The following DDB2 variants were observed in gnomAD, a reference collection of about 807,000 sequenced individuals.
DDB2 encodes the protein damage specific DNA binding protein 2, also known as DNA damage-binding protein 2.
A neutral mutation model predicts 50.5 loss-of-function variants in DDB2; 27 were observed. The observed-to-expected ratio is 0.53, with a 90% CI of 0.39 to 0.74. The LOEUF is 0.74. Among genes scored for constraint, DDB2 ranks in the 30% least tolerant of loss-of-function variants. The probability of loss-of-function intolerance (pLI) is 0.00; values close to 1 mark genes in which losing one functional copy is unlikely to be tolerated. For synonymous variants in DDB2, 176 were observed against 205.5 expected (o/e 0.86, Z 1.23); for missense variants, 424 against 545.6 (o/e 0.78, Z 2.22).
At chr11:47,222,662 A>G (rs1221312667) in intron 3 of DDB2, among the ~76,000 whole-genome samples, 1 of 152,172 alleles carries the variant, frequency 6.6e-6, no homozygotes, top group Non-Finnish European at 1.5e-5. Flanking sequence ...TACTGATATG[A>G]TACAGTTTAT....
intron 3 of DDB2, among the ~76,000 whole-genome samples, chr11:47,231,778 C>T (rs918469723): frequency 2.0e-5 from 3 of 152,116 alleles, no homozygotes; most frequent in Non-Finnish European, 4.4e-5. Context: ...CCTCAGTCTC[C>T]CCAGGTGTTG....
At chr11:47,217,723 C>T (rs1195842026) in intron 3 of DDB2, among the ~76,000 whole-genome samples, 1 of 152,046 alleles carries the variant, frequency 6.6e-6, no homozygotes, top group African/African-American at 2.4e-5. Context: ...AACCCCGTCT[C>T]TACTAAAGAT....
At chr11:47,236,321 G>A (rs905185260) in intron 7 of DDB2, among the ~76,000 whole-genome samples, 1 of 152,134 alleles carries the variant, frequency 6.6e-6, no homozygotes, top group Admixed American at 6.6e-5. Flanking sequence ...TCAGGCTCTT[G>A]TTAATAGCTT....
At chr11:47,222,638 A>C (rs979355191) in intron 3 of DDB2, among the ~76,000 whole-genome samples, 4 of 152,204 alleles carry the variant, frequency 2.6e-5, no homozygotes, top group Non-Finnish European at 5.9e-5. Flanking sequence ...GAGCCCCTGC[A>C]CCCAGCCACA....
rs551722210 is a variant in DDB2 at position 47,235,064 on chromosome 11, G to A, written c.880+130G>A. On this transcript the variant is annotated intron_variant, in intron 6 of 9. Transcript: ENST00000256996. The stretch of plus-strand genomic sequence containing the variant: ...TAGCGTCTGCCAAGCTGATGTCTGG[G>A]AACCTTTGTGGCTGTGGCTGTCCCC... 3.7e-5 allele frequency: 49 copies of A among 1,314,308 alleles called. No homozygotes were observed. In the South Asian group the frequency reaches 4.6e-4, roughly 12 times the overall value. The allele number at this position is 1,314,308 out of a possible 1,614,324, so 81.4% of individuals were successfully genotyped here. A position where few individuals can be genotyped will look rare whatever the true frequency, so the allele number is the denominator to read the frequency against.
rs1591001138 is a variant in DDB2, at chr11:47,234,866, A to T, written c.812A>T (p.Asp271Val). The T allele has an allele frequency of 6.2e-7, 1 of 1,614,034 alleles. No individual in the cohort carries two copies. Among genetic ancestry groups the T allele is most frequent in the African/African-American group, 1.3e-5 (1 of 74,898 alleles). ...GTAGATCAAACAGTGAAAATTTGGG[A>T]CCTGCGCCAGGTTAGAGGGAAAGCC... ...ASVDQTVKIW[D>V]LRQVRGKASF... is the part of the protein sequence containing the mutation. The change falls in exon 6 of 10, where the codon GAC (aspartate) becomes GTC (valine). Residue 271 changes from aspartate to valine, a missense_variant. By Grantham distance (152) the Asp-to-Val change is radical. Coordinates refer to ENST00000256996, the MANE Select transcript of DDB2 (RefSeq NM_000107.3).
chr11:47,229,835 T>TC (rs775823150), intron 3 of DDB2: 13 of 414,402 alleles, frequency 3.1e-5, no homozygotes, highest in Non-Finnish European at 5.1e-5. Context: ...TTTTTTTTTT[T>TC]CTTCTTCCTA....
Position 47,238,245 on chromosome 11 carries a change from C to T in DDB2, c.1234+62C>T, listed in dbSNP as rs371454695. ...CGATCCTACTTCCCAAGGTTCAGTG[C>T]GGGCCAGCCTCAGCCCCGCCCTGCC... On this transcript the variant is annotated intron_variant, in intron 9 of 9. Coordinates refer to ENST00000256996, the MANE Select transcript of DDB2 (RefSeq NM_000107.3). 56 of 1,466,996 alleles carry T rather than the reference C, an allele frequency of 3.8e-5. 1 individual carries two copies. In the African/African-American group the frequency reaches 5.3e-4, roughly 14 times the overall value. 90.9% of individuals were successfully genotyped at this position (1,466,996 alleles called of 1,614,324 possible).
intron 4 of DDB2, 27 bp from the exon 5 acceptor site, chr11:47,234,546 A>G: frequency 6.3e-7 from 1 of 1,597,162 alleles, no homozygotes; most frequent in Non-Finnish European, 8.6e-7. Context: ...GTCCCCAAGA[A>G]TCTTACAACA....
chr11:47,225,883 G>C (rs1319042057), intron 3 of DDB2, among the ~76,000 whole-genome samples: 1 of 152,140 alleles, frequency 6.6e-6, no homozygotes, highest in Non-Finnish European at 1.5e-5. Flanking sequence ...TTTTGTGACA[G>C]GCTTATTTCA....
chr11:47,237,374 T>C (rs1953741936), intron 7 of DDB2, among the ~76,000 whole-genome samples: 1 of 152,158 alleles, frequency 6.6e-6, no homozygotes, highest in Non-Finnish European at 1.5e-5. Context: ...AAAACCATTC[T>C]TGTAGTTTTC....
chr11:47,234,965 A>T, intron 6 of DDB2, 31 bp downstream of exon 6: 6 of 1,612,078 alleles, frequency 3.7e-6, no homozygotes, highest in Non-Finnish European at 3.4e-6. Context: ...TCTCTCCTGC[A>T]GACCCTGCCT....
intron 6 of DDB2, 82 bp downstream of exon 6, chr11:47,235,016 C>G: frequency 6.6e-7 from 1 of 1,509,714 alleles, no homozygotes; most frequent in East Asian, 2.3e-5. Flanking sequence ...GTGGAAGCCA[C>G]TACGTCAAAC....
chr11:47,225,260 A>G (rs1438526941), intron 3 of DDB2, among the ~76,000 whole-genome samples: 2 of 151,728 alleles, frequency 1.3e-5, no homozygotes, highest in Non-Finnish European at 2.9e-5. Context: ...TCTTTAAAAA[A>G]AAAAAAAAAA....
intron 3 of DDB2, among the ~76,000 whole-genome samples, chr11:47,231,223 CATG>C (rs1200740159): frequency 4.0e-5 from 6 of 151,382 alleles, no homozygotes; most frequent in African/African-American, 1.5e-4. Flanking sequence ...TTGATATTCT[CATG>C]ATTATTTTCA....
chr11:47,233,066 G>GA (rs549953445), intron 4 of DDB2, 107 bp downstream of exon 4: 1,694 of 1,308,784 alleles, frequency 1.3e-3, no homozygotes, highest in Non-Finnish European at 1.7e-3. Flanking sequence ...GGGAAGAAAG[G>GA]AAAGATGTCA....
intron 2 of DDB2, 73 bp from the exon 3 acceptor site, chr11:47,216,785 A>G (rs770543203): frequency 6.8e-7 from 1 of 1,473,256 alleles, no homozygotes; most frequent in Non-Finnish European, 9.5e-7. Context: ...CTCATCCATG[A>G]AGGAGGCAGA....
intron 1 of DDB2, 82 bp downstream of exon 1, chr11:47,215,345 G>C: frequency 6.2e-7 from 1 of 1,603,360 alleles, no homozygotes; most frequent in African/African-American, 1.3e-5. Context: ...TGGGTGCTCC[G>C]AGGCTCCCGA....
rs1565156594 is a variant in DDB2 at position 47,234,929 on chromosome 11, A to G, written c.875A>G (p.Asn292Ser). The change falls in exon 6 of 10, where the codon AAC (asparagine) becomes AGC (serine). Residue 292 changes from asparagine to serine, a missense_variant. Coordinates refer to ENST00000256996, the MANE Select transcript of DDB2 (RefSeq NM_000107.3). ...TCGCTGCCGCACAGGCATCCTGTCAACGCAGGTGTGATATCCCAGACCTCA... is the reference window on the plus strand; with the variant it reads ...TCGCTGCCGCACAGGCATCCTGTCAGCGCAGGTGTGATATCCCAGACCTCA... ...LYSLPHRHPV[N>S]AACFSPDGAR... The G allele has an allele frequency of 2.5e-6, 4 of 1,614,164 alleles. No individual in the cohort carries two copies. Among genetic ancestry groups the G allele is most frequent in the East Asian group, 2.2e-5 (1 of 44,884 alleles).
Sources: gnomAD v4.1 joint callset for allele counts (sites outside exome capture counted in the v4.1 genomes callset) on GRCh38, gnomAD v4.1.1 for gene constraint, MANE v1.5 for transcripts, NCBI Gene and HGNC (gene_info 2026-07-23, HGNC 2026-07-21) for gene names.